The following TFAP2A variants were observed in gnomAD, a reference collection of about 807,000 sequenced individuals.
The protein encoded by TFAP2A is transcription factor AP-2-alpha.
A neutral mutation model predicts 41.5 loss-of-function variants in TFAP2A; 7 were observed. That is an observed-to-expected ratio of 0.17 (90% CI 0.10 to 0.32). TFAP2A has a LOEUF of 0.32. TFAP2A is among the 10% of genes least tolerant of loss of function. The probability of loss-of-function intolerance (pLI) is 1.00; values close to 1 mark genes in which losing one functional copy is unlikely to be tolerated. For missense variants in TFAP2A, 416 were observed against 563.3 expected (o/e 0.74, Z 2.65); for synonymous variants, 247 against 242.8 (o/e 1.02, Z -0.16).
In TFAP2A at chr6:10,398,293, G is replaced by GGCGGCA; in HGVS notation, c.*118_*123dup. 2.5e-6 allele frequency: 4 copies of GGCGGCA among 1,587,896 alleles called. No homozygotes were observed. The highest frequency in any genetic ancestry group is 1.1e-5 in the South Asian group (1 of 88,736). On this transcript the variant is annotated 3_prime_UTR_variant, in exon 7 of 7. Coordinates refer to ENST00000379613, the MANE Select transcript of TFAP2A (RefSeq NM_001372066.1). This position sits in a 1 kb window ranked among gnomAD's most constrained non-coding sequence, Gnocchi z 5.3. ...ACCCAAGGGCAGCGGCGGCGGCGGC[G>GGCGGCA]GCGGCAGCAGCAGCAGCAGTAGCAG...
At chr6:10,406,954 C>G in intron 2 of TFAP2A, 110 bp from the exon 3 acceptor site, 1 of 869,470 alleles carries the variant, frequency 1.2e-6, no homozygotes, top group Non-Finnish European at 2.0e-6. Context: ...ATTCCCCCTC[C>G]CGTATAATGA....
intron 2 of TFAP2A, 172 bp downstream of exon 2, chr6:10,409,729 A>C: frequency 1.3e-6 from 1 of 753,442 alleles, no homozygotes; most frequent in Admixed American, 2.4e-5. Context: ...ACTCGCAACT[A>C]CTTTGTGTGG....
Position 10,413,866 on chromosome 6 carries a change from GAA to G in TFAP2A, c.51+1073_51+1074del, listed in dbSNP as rs34252834. ...ATTCTCAGCTGCAAATGCCAAAAAAGAAAAAAAAAAAAAACAGCAAAAGTTGG... is the reference window on the plus strand; with the variant it reads ...ATTCTCAGCTGCAAATGCCAAAAAAGAAAAAAAAAAAACAGCAAAAGTTGG... On this transcript the variant is annotated intron_variant, in intron 1 of 6. Transcript: ENST00000379613. Among the ~76,000 whole-genome samples the G allele has an allele frequency of 8.3e-3, 1,197 of 144,314 alleles. 11 individuals carry two copies. Among genetic ancestry groups the G allele is most frequent in the African/African-American group, 0.015 (602 of 39,440 alleles). 94.7% of individuals were successfully genotyped at this position (144,314 alleles called of 152,430 possible).
intron 3 of TFAP2A, chr6:10,406,519 A>G (rs1385090797): frequency 2.0e-6 from 1 of 506,780 alleles, no homozygotes; most frequent in Non-Finnish European, 3.6e-6. Flanking sequence ...CCACTTCCAA[A>G]TCAGTTCAAC....
chr6:10,419,293 G>C, upstream of TFAP2A: 1 of 1,158,800 alleles, frequency 8.6e-7, no homozygotes, highest in South Asian at 1.3e-5. Flanking sequence ...GGCGCTGCCA[G>C]GCGCGCCTCA....
intron 4 of TFAP2A, among the ~76,000 whole-genome samples, chr6:10,403,497 C>T (rs912585488): frequency 6.6e-6 from 1 of 152,162 alleles, no homozygotes; most frequent in Non-Finnish European, 1.5e-5. Context: ...AAAAAATGAT[C>T]TTTATAGGCT....
intron 1 of TFAP2A, chr6:10,414,446 TGGG>T: frequency 4.0e-6 from 1 of 247,228 alleles, no homozygotes; most frequent in Non-Finnish European, 8.0e-6. Flanking sequence ...GCTTTAGAAG[TGGG>T]GGTGGGGGGA....
In TFAP2A at chr6:10,397,249, T is replaced by C. The variant is rs780237615; in HGVS notation, c.*1168A>G. 4 of 151,570 alleles carry C rather than the reference T, an allele frequency of 2.6e-5. No homozygotes were observed. Among genetic ancestry groups the C allele is most frequent in the Non-Finnish European group, 5.9e-5 (4 of 67,910 alleles). The allele number at this position is 151,570 out of a possible 1,614,324, so 9.4% of individuals were successfully genotyped here. On this transcript the variant is annotated 3_prime_UTR_variant, in exon 7 of 7. Transcript: ENST00000379613. ...GAGGAGAGAGAGAGAGAGAGGAAAA[T>C]TCCCTAACCCTTGGTTTAAAGACAA...
In TFAP2A at chr6:10,410,130, G is replaced by A. The variant is rs200131527; in HGVS notation, c.257C>T (p.Pro86Leu). 41 of 1,612,402 alleles carry A rather than the reference G, an allele frequency of 2.5e-5. No homozygotes were observed. In the African/African-American group the frequency reaches 5.0e-4, roughly 19 times the overall value. The change falls in exon 2 of 7, where the codon CCC becomes CTC. Residue 86 changes from proline (P) to leucine (L), a missense_variant. Physicochemically the swap from Pro to Leu is moderately conservative, Grantham distance 98. Transcript: ENST00000379613. ...CTGCGGCTGCGGCTGGGCGTGCAGG[G>A]GGTTCAGGCTGTAGGGGTCGTTGAC... ...SHVNDPYSLN[P>L]LHAQPQPQHP...
At chr6:10,410,639 C>A (rs1246991588) in intron 1 of TFAP2A, among the ~76,000 whole-genome samples, 1 of 152,210 alleles carries the variant, frequency 6.6e-6, no homozygotes, top group African/African-American at 2.4e-5. Flanking sequence ...TGAAATCTCT[C>A]TTAAGCAAAA....
rs776022016 is a variant in TFAP2A at position 10,409,845 on chromosome 6, G to A, written c.486+56C>T. ...ACTGTATGTTCCAGGTATCCTTTCT[G>A]GGGTAGGTAAGTAGGGGGCTGTGTT... On this transcript the variant is annotated intron_variant, in intron 2 of 6. Coordinates refer to ENST00000379613, the MANE Select transcript of TFAP2A (RefSeq NM_001372066.1). 9.1e-6 allele frequency: 14 copies of A among 1,534,368 alleles called. No individual in the cohort carries two copies. In the South Asian group the frequency reaches 1.7e-4, roughly 18 times the overall value.
chr6:10,409,881 C>G lies in TFAP2A; in HGVS notation c.486+20G>C, dbSNP rs1757877291. 6.5e-7 allele frequency: 1 copy of G among 1,548,008 alleles called. No individual in the cohort carries two copies. The highest frequency in any genetic ancestry group is 1.4e-5 in the African/African-American group (1 of 73,022). ...GTAGGGGGCTGTGTTCCCTCCCGCG[C>G]TGGTTGCGCGGCCTCTTACCGGGAC... On this transcript the variant is annotated intron_variant, in intron 2 of 6. Coordinates refer to ENST00000379613, the MANE Select transcript of TFAP2A (RefSeq NM_001372066.1).
rs1757889922 is a variant in TFAP2A, at chr6:10,410,061, A to C, written c.326T>G (p.Leu109Arg). Reference sequence around the variant, plus strand: ...AGGCAGCCCCCGGTGCGTGTGCAGGAGCCCAGACTCCTGGCTCTGCCTCTG... The same window carrying C: ...AGGCAGCCCCCGGTGCGTGTGCAGGCGCCCAGACTCCTGGCTCTGCCTCTG... ...PGQRQSQESGLLHTHRGLPHQ... is the reference protein window; with the variant it reads ...PGQRQSQESGRLHTHRGLPHQ... The change falls in exon 2 of 7, where the codon CTC becomes CGC. Residue 109 changes from leucine (L) to arginine (R), a missense_variant. By Grantham distance (102) the Leu-to-Arg change is moderately radical. Around this residue, in one of 3 missense-constraint regions of TFAP2A, gnomAD observed 241 missense variants for 274.1 expected, o/e 0.88. Coordinates refer to ENST00000379613, the MANE Select transcript of TFAP2A (RefSeq NM_001372066.1). The C allele has an allele frequency of 2.5e-6, 4 of 1,612,826 alleles. No homozygotes were observed. The highest frequency in any genetic ancestry group is 3.4e-6 in the Non-Finnish European group (4 of 1,179,836).
chr6:10,417,618 G>A (rs1482495552), upstream of TFAP2A, among the ~76,000 whole-genome samples: 4 of 152,212 alleles, frequency 2.6e-5, no homozygotes, highest in Non-Finnish European at 5.9e-5. Context: ...CGGGGAAGAG[G>A]GAGTATTTGT....
chr6:10,406,827 A>T lies in TFAP2A; in HGVS notation c.504T>A (p.Gly168=). 1 of 1,612,630 alleles carries T rather than the reference A, an allele frequency of 6.2e-7. No individual in the cohort carries two copies. Among genetic ancestry groups the T allele is most frequent in the Non-Finnish European group, 8.5e-7 (1 of 1,178,646 alleles). Residue 168 remains glycine (G), a synonymous_variant, in exon 3 of 7, where the codon GGT becomes GGA. Transcript: ENST00000379613. ...TTACAGTTTGATCTGGGATGTTAAT[A>T]CCCGGGTCTTCTACATGCTGCAACA... ...IEEVPHVEDP[G]INIPDQTVIK...
chr6:10,417,392 CGCCCCCGGTGTA>C (rs1304609424), upstream of TFAP2A, among the ~76,000 whole-genome samples: 3 of 152,234 alleles, frequency 2.0e-5, no homozygotes, highest in Non-Finnish European at 2.9e-5. Flanking sequence ...TCTGGACTGC[CGCCCCCGGTGTA>C]GGCGCTGATG....
chr6:10,399,131 C>T (rs114266104), intron 6 of TFAP2A, among the ~76,000 whole-genome samples: 4,556 of 152,312 alleles, frequency 0.03, 122 homozygotes, highest in Middle Eastern at 0.051. Flanking sequence ...GTCATAAAGA[C>T]CCTCTTCCCT....
chr6:10,411,060 C>G (rs1346342891), intron 1 of TFAP2A: 1 of 149,998 alleles, frequency 6.7e-6, no homozygotes, highest in African/African-American at 2.5e-5. Context: ...CCCCCCCCCG[C>G]CCCTTCCACC....
intron 3 of TFAP2A, chr6:10,404,962 C>T (rs1757640653): frequency 3.4e-6 from 2 of 595,930 alleles, no homozygotes; most frequent in African/African-American, 1.9e-5. Flanking sequence ...TGCCCTCCCC[C>T]AGCCAGCCTG....
Sources: allele counts gnomAD v4.1 joint callset (sites outside exome capture counted in the v4.1 genomes callset), GRCh38; gene constraint gnomAD v4.1.1; regional missense constraint gnomAD v4.1.1; non-coding constraint Gnocchi (gnomAD v3.1); transcripts MANE v1.5; gene names NCBI Gene and HGNC (gene_info 2026-07-23, HGNC 2026-07-21).